The following CDC42BPA variants were observed in gnomAD, a reference collection of about 807,000 sequenced individuals.
CDC42BPA encodes CDC42 binding protein kinase alpha.
CDC42BPA carries 80 observed loss-of-function variants against 223.5 expected under a neutral mutation model. The observed-to-expected ratio is 0.36, with a 90% CI of 0.30 to 0.43. The LOEUF is 0.43. Among genes scored for constraint, CDC42BPA ranks in the 20% least tolerant of loss-of-function variants. The probability of loss-of-function intolerance (pLI) is 1.00; values close to 1 mark genes in which losing one functional copy is unlikely to be tolerated. For missense variants in CDC42BPA, 1,743 were observed against 2,099.9 expected (o/e 0.83, Z 3.32); for synonymous variants, 694 against 718.6 (o/e 0.97, Z 0.55).
At chr1:227,143,062 C>A (rs1659988343) in intron 8 of CDC42BPA, 38 bp from the exon 9 acceptor site, 1 of 1,270,212 alleles carries the variant, frequency 7.9e-7, no homozygotes, top group South Asian at 1.7e-5. Context: ...AAATAGATAG[C>A]TATATGATCT....
intron 6 of CDC42BPA, among the ~76,000 whole-genome samples, chr1:227,160,028 C>CT: frequency 6.6e-6 from 1 of 152,196 alleles, no homozygotes; most frequent in Middle Eastern, 3.4e-3. Context: ...ACAAAAAAAA[C>CT]CAACTGACGG....
rs746799792 is a variant in CDC42BPA, at chr1:227,074,247, A to G, written c.2586+12T>C. The G allele has an allele frequency of 2.5e-6, 4 of 1,589,596 alleles. No homozygotes were observed. The Admixed American group carries it at 6.8e-5, about 27-fold the overall frequency. ...ATATGATAAGCCTCCATGCAAAATC[A>G]TAGAAGCTTACTGTTGCTCGTGTAC... is the stretch of plus-strand genomic sequence containing the variant. On this transcript the variant is annotated intron_variant, in intron 18 of 36. Coordinates refer to ENST00000366766, the MANE Select transcript of CDC42BPA (RefSeq NM_001394014.1).
intron 21 of CDC42BPA, chr1:227,069,061 C>T (rs1677718637): frequency 6.4e-6 from 1 of 155,058 alleles, no homozygotes; most frequent in Non-Finnish European, 1.4e-5. Context: ...ATTCTTCCCA[C>T]TGGAATGTAA....
At chr1:226,995,794 A>G in intron 35 of CDC42BPA, among the ~76,000 whole-genome samples, 1 of 152,122 alleles carries the variant, frequency 6.6e-6, no homozygotes, top group South Asian at 2.1e-4. Flanking sequence ...CTACTATGAC[A>G]AGGTTTTTGC....
At chr1:227,065,867 GT>G (rs1007358622) in intron 21 of CDC42BPA, among the ~76,000 whole-genome samples, 7 of 152,144 alleles carry the variant, frequency 4.6e-5, no homozygotes, top group Admixed American at 2.0e-4. Context: ...TGCAATTCTA[GT>G]CAATACTAGT....
chr1:227,170,303 C>T (rs1476180616), intron 5 of CDC42BPA, among the ~76,000 whole-genome samples: 1 of 152,028 alleles, frequency 6.6e-6, no homozygotes, highest in African/African-American at 2.4e-5. Context: ...GCTGAACTCC[C>T]AACTGATGGG....
intron 2 of CDC42BPA, among the ~76,000 whole-genome samples, chr1:227,251,204 T>C (rs1022773532): frequency 1.1e-4 from 17 of 150,400 alleles, no homozygotes; most frequent in Middle Eastern, 3.5e-3. Context: ...GTTTCAAATA[T>C]AAATGGAACT....
chr1:227,303,400 T>G (rs1309297382), intron 1 of CDC42BPA, among the ~76,000 whole-genome samples: 1 of 152,218 alleles, frequency 6.6e-6, no homozygotes, highest in African/African-American at 2.4e-5. Flanking sequence ...CTCCTTATTT[T>G]CAATATGAAA....
chr1:227,206,087 T>A (rs1349931975), intron 3 of CDC42BPA, among the ~76,000 whole-genome samples: 2 of 152,218 alleles, frequency 1.3e-5, no homozygotes, highest in African/African-American at 4.8e-5. Flanking sequence ...TAAAAAGGTT[T>A]AACTCTCAAG....
intron 1 of CDC42BPA, among the ~76,000 whole-genome samples, chr1:227,257,004 A>T (rs1475963755): frequency 7.2e-6 from 1 of 139,198 alleles, no homozygotes; most frequent in Non-Finnish European, 1.6e-5. Context: ...TATGTTAAGC[A>T]GCTTTAAAAT....
intron 16 of CDC42BPA, among the ~76,000 whole-genome samples, chr1:227,087,860 G>A (rs915250764): frequency 2.0e-5 from 3 of 152,112 alleles, no homozygotes; most frequent in Non-Finnish European, 2.9e-5. Flanking sequence ...GTTTTTGAGA[G>A]TTGTATGTGC....
chr1:227,149,946 G>A (rs1025869993), intron 6 of CDC42BPA, among the ~76,000 whole-genome samples: 2 of 152,114 alleles, frequency 1.3e-5, no homozygotes, highest in Non-Finnish European at 2.9e-5. Flanking sequence ...AGAAGAGGTT[G>A]AGCGCAGTGG....
intron 5 of CDC42BPA, chr1:227,180,521 A>G (rs1418102067): frequency 1.3e-5 from 2 of 152,306 alleles, no homozygotes; most frequent in South Asian, 2.1e-4. Context: ...GTTTGAAGGC[A>G]AAGTGTGCAA....
intron 2 of CDC42BPA, among the ~76,000 whole-genome samples, chr1:227,225,788 C>T (rs949508257): frequency 1.5e-5 from 2 of 135,244 alleles, no homozygotes; most frequent in African/African-American, 5.7e-5. Flanking sequence ...CAGGGAATAC[C>T]TCTGATTTCC....
chr1:227,195,020 G>A (rs1287945812), intron 4 of CDC42BPA, among the ~76,000 whole-genome samples: 2 of 152,090 alleles, frequency 1.3e-5, no homozygotes, highest in African/African-American at 4.8e-5. Flanking sequence ...AAAGAGTCTT[G>A]AAAAAATTCA....
chr1:227,193,575 C>T, intron 5 of CDC42BPA: 1 of 509,466 alleles, frequency 2.0e-6, no homozygotes, highest in Non-Finnish European at 3.5e-6. Context: ...TATACATGTA[C>T]ATGTATGTAT....
At chr1:227,159,519 C>T (rs1472982271) in intron 6 of CDC42BPA, among the ~76,000 whole-genome samples, 3 of 151,876 alleles carry the variant, frequency 2.0e-5, no homozygotes, top group African/African-American at 4.8e-5. Flanking sequence ...GTTAAAATTA[C>T]TGGTCTAGAG....
intron 16 of CDC42BPA, among the ~76,000 whole-genome samples, chr1:227,082,947 G>A (rs1237056234): frequency 6.6e-6 from 1 of 152,070 alleles, no homozygotes; most frequent in African/African-American, 2.4e-5. Context: ...AACGTAATGT[G>A]TCTTTCTTCT....
In CDC42BPA at chr1:226,994,791, T is replaced by C. The variant is rs1206361830; in HGVS notation, c.5133+32A>G. On this transcript the variant is annotated intron_variant, in intron 36 of 36. Transcript: ENST00000366766. The surrounding 1 kb of genome is among the most constrained non-coding windows in gnomAD (Gnocchi z 4.0). Reference sequence around the variant, plus strand: ...TGGGAAGATGCCCTAGTCTTTCTGATACATGACGTCTCCGGAACCCTGCCC... The same window carrying C: ...TGGGAAGATGCCCTAGTCTTTCTGACACATGACGTCTCCGGAACCCTGCCC... 6.3e-7 allele frequency: 1 copy of C among 1,577,510 alleles called. No individual in the cohort carries two copies. Among genetic ancestry groups the C allele is most frequent in the Non-Finnish European group, 8.6e-7 (1 of 1,160,308 alleles).
Sources: gnomAD v4.1 joint callset for allele counts (sites outside exome capture counted in the v4.1 genomes callset) on GRCh38, gnomAD v4.1.1 for gene constraint, Gnocchi (gnomAD v3.1) non-coding constraint, MANE v1.5 for transcripts, NCBI Gene and HGNC (gene_info 2026-07-23, HGNC 2026-07-21) for gene names.